TENM2: variants seen among roughly 807,000 people sequenced by gnomAD.
TENM2 encodes teneurin-2.
TENM2 carries 52 observed loss-of-function variants against 245.2 expected under a neutral mutation model. The ratio of observed to expected loss-of-function variants is 0.21; its 90% confidence interval spans 0.17 to 0.27. The LOEUF (loss-of-function observed/expected upper bound fraction) is 0.27. TENM2 is among the 10% of genes least tolerant of loss of function. The pLI is 1.00. For synonymous variants in TENM2, 1,363 were observed against 1,438.9 expected, an observed-to-expected ratio of 0.95 and a Z score of 1.19; for missense variants, 3,046 against 3,666.8, an observed-to-expected ratio of 0.83 and a Z score of 4.37.
intron 5 of TENM2, among the ~76,000 whole-genome samples, chr5:168,040,234 G>A (rs1235743902): frequency 6.6e-6 from 1 of 152,156 alleles, no homozygotes; most frequent in African/African-American, 2.4e-5. Context: ...GACAGTTTTG[G>A]GACTGTAGCT....
At chr5:168,014,512 A>G (rs1292711022) in intron 5 of TENM2, among the ~76,000 whole-genome samples, 1 of 152,160 alleles carries the variant, frequency 6.6e-6, no homozygotes, top group Non-Finnish European at 1.5e-5. Context: ...ATGCCAAATA[A>G]GGGTAGACAA....
chr5:167,256,499 G>T, the TENM2 span, among the ~76,000 whole-genome samples: 1 of 152,108 alleles, frequency 6.6e-6, no homozygotes, highest in South Asian at 2.1e-4. Flanking sequence ...TTTACTAATT[G>T]TAAAGGTAAA....
chr5:168,052,188 C>A (rs1484911599), intron 6 of TENM2, among the ~76,000 whole-genome samples: 1 of 151,996 alleles, frequency 6.6e-6, no homozygotes, highest in Non-Finnish European at 1.5e-5. Flanking sequence ...GAGATCAAGA[C>A]CATCCTGGCT....
intron 13 of TENM2, among the ~76,000 whole-genome samples, chr5:168,170,122 T>G (rs901864298): frequency 1.3e-5 from 2 of 152,176 alleles, no homozygotes; most frequent in Non-Finnish European, 2.9e-5. Context: ...ATCTTTGACT[T>G]CCTGGGCATA....
intron 3 of TENM2, among the ~76,000 whole-genome samples, chr5:167,897,942 C>G (rs1343791113): frequency 2.5e-5 from 3 of 121,918 alleles, no homozygotes; most frequent in Non-Finnish European, 4.9e-5. Context: ...CTACCTTAAA[C>G]ATTGGAAGCA....
intron 9 of TENM2, among the ~76,000 whole-genome samples, chr5:168,113,485 C>G (rs1332866081): frequency 6.6e-6 from 1 of 152,074 alleles, no homozygotes; most frequent in Non-Finnish European, 1.5e-5. Context: ...CTGAGCCTCT[C>G]CAATATCCTT....
intron 12 of TENM2, among the ~76,000 whole-genome samples, chr5:168,130,953 G>A (rs1449096886): frequency 6.6e-6 from 1 of 152,146 alleles, no homozygotes; most frequent in African/African-American, 2.4e-5. Flanking sequence ...GGACATGGAG[G>A]AACTATAGAA....
At chr5:167,261,626 T>C in the TENM2 span, among the ~76,000 whole-genome samples, 1 of 152,124 alleles carries the variant, frequency 6.6e-6, no homozygotes, top group Non-Finnish European at 1.5e-5. Context: ...GGGGACCATT[T>C]CTCCCTTTTG....
At chr5:167,695,734 A>C (rs1469305457) in intron 2 of TENM2, among the ~76,000 whole-genome samples, 2 of 151,660 alleles carry the variant, frequency 1.3e-5, no homozygotes, top group Non-Finnish European at 2.9e-5. Context: ...TTTAAAAAAA[A>C]AAAAAACAAA....
intron 2 of TENM2, among the ~76,000 whole-genome samples, chr5:167,711,370 C>T (rs1758895424): frequency 1.3e-5 from 2 of 152,162 alleles, no homozygotes; most frequent in Non-Finnish European, 2.9e-5. Context: ...AAATGTTTGA[C>T]ATTCATTCCA....
intron 3 of TENM2, among the ~76,000 whole-genome samples, chr5:167,891,639 G>A (rs1774768665): frequency 6.6e-6 from 1 of 152,138 alleles, no homozygotes; most frequent in Non-Finnish European, 1.5e-5. Context: ...GTTTGACACG[G>A]GAGTATACAG....
At chr5:167,766,401 G>GC (rs1763023260) in intron 2 of TENM2, among the ~76,000 whole-genome samples, 1 of 152,144 alleles carries the variant, frequency 6.6e-6, no homozygotes, top group Non-Finnish European at 1.5e-5. Flanking sequence ...TTGTAGCCAT[G>GC]GCAGAGTTTA....
At position 168,177,181 on chromosome 5, in the gene TENM2, G is replaced by A. The variant is rs183045133; in HGVS notation, c.2570-13156G>A. On this transcript the variant is annotated intron_variant, in intron 13 of 28. Coordinates refer to ENST00000518659, the Ensembl canonical transcript of TENM2. ...GCAAGTCTAAGGCTGGGCCAGCTGC[G>A]TGTGAATCCCAGCTTCCCCACCCAC... Among the ~76,000 whole-genome samples, 631 of 152,316 alleles carry A rather than the reference G, an allele frequency of 4.1e-3. 3 individuals carry two copies. Among genetic ancestry groups the A allele is most frequent in the Middle Eastern group, 0.017 (5 of 294 alleles).
At chr5:168,014,097 A>G (rs1785475588) in intron 5 of TENM2, among the ~76,000 whole-genome samples, 1 of 152,194 alleles carries the variant, frequency 6.6e-6, no homozygotes, top group African/African-American at 2.4e-5. Flanking sequence ...GGTCACATTC[A>G]CAGCTATTGG....
At chr5:167,714,474 G>A (rs966830502) in intron 2 of TENM2, among the ~76,000 whole-genome samples, 6 of 152,080 alleles carry the variant, frequency 3.9e-5, no homozygotes, top group Non-Finnish European at 7.4e-5. Context: ...GGGGAAGGTG[G>A]CATCTCTTAG....
chr5:167,082,135 A>G, the TENM2 span, among the ~76,000 whole-genome samples: 2 of 152,168 alleles, frequency 1.3e-5, no homozygotes, highest in African/African-American at 2.4e-5. Flanking sequence ...TGAGCATTCT[A>G]TTATCATGTT....
chr5:167,863,126 A>G (rs531137563), intron 2 of TENM2, among the ~76,000 whole-genome samples: 1 of 152,326 alleles, frequency 6.6e-6, no homozygotes, highest in African/African-American at 2.4e-5. Context: ...CGGTTTGCTC[A>G]TCTGTAAAAT....
intron 2 of TENM2, among the ~76,000 whole-genome samples, chr5:167,647,077 G>A (rs776799766): frequency 6.6e-6 from 1 of 152,092 alleles, no homozygotes; most frequent in Non-Finnish European, 1.5e-5. Context: ...ACCAAAGATG[G>A]GACTTTAAAT....
At chr5:168,054,719 C>T (rs902944109) in intron 6 of TENM2, among the ~76,000 whole-genome samples, 2 of 152,176 alleles carry the variant, frequency 1.3e-5, no homozygotes, top group African/African-American at 2.4e-5. Context: ...TTTTGCTCAA[C>T]ATCAGTCGTG....
Sources: gnomAD v4.1 joint callset for allele counts (sites outside exome capture counted in the v4.1 genomes callset) on GRCh38, gnomAD v4.1.1 for gene constraint, MANE v1.5 for transcripts, NCBI Gene and HGNC (gene_info 2026-07-23, HGNC 2026-07-21) for gene names.